The following MIPEP variants were observed in gnomAD, a reference collection of about 807,000 sequenced individuals.
MIPEP encodes the protein mitochondrial intermediate peptidase.
In MIPEP, 79 loss-of-function variants were observed where a neutral mutation model predicts 90.3. That is an observed-to-expected ratio of 0.87 (90% CI 0.73 to 1.05). The LOEUF (loss-of-function observed/expected upper bound fraction) is 1.05, where lower values mean the gene tolerates loss of function less well. Among genes scored for constraint, MIPEP ranks in the 50% least tolerant of loss-of-function variants. MIPEP has a pLI of 0.00. For synonymous variants in MIPEP, 334 were observed against 315.8 expected (o/e 1.06, Z -0.61); for missense variants, 940 against 905.6 (o/e 1.04, Z -0.49).
Position 23,886,469 on chromosome 13 carries a change from C to A in MIPEP, c.227G>T (p.Gly76Val). ...GGCTTTTTCTTGTGCAATATGAAAT[C>A]CTTCTGGGGCACTCAGCTCAGGAAC... ...FGVPELSAPE[G>V]FHIAQEKALR... The change falls in exon 2 of 19, where the codon GGA (glycine) becomes GTA (valine). Residue 76 changes from glycine to valine, a missense_variant. Physicochemically the swap from Gly to Val is moderately radical, Grantham distance 109. Transcript: ENST00000382172. 1 of 1,600,534 alleles carries A rather than the reference C, an allele frequency of 6.2e-7. No homozygotes were observed. The highest frequency in any genetic ancestry group is 8.5e-7 in the Non-Finnish European group (1 of 1,172,886).
intron 8 of MIPEP, among the ~76,000 whole-genome samples, chr13:23,863,467 T>C (rs1870398787): frequency 6.6e-6 from 1 of 152,184 alleles, no homozygotes; most frequent in Non-Finnish European, 1.5e-5. Context: ...GGCACAAAAT[T>C]ATTAAAAACA....
intron 1 of MIPEP, 79 bp downstream of exon 1, chr13:23,889,053 G>T (rs1278023044): frequency 1.6e-6 from 2 of 1,262,592 alleles, no homozygotes; most frequent in East Asian, 3.2e-5. Context: ...AAACAATCTC[G>T]CCCTGATTGT....
In MIPEP at chr13:23,819,301, T is replaced by C. The variant is rs115574149; in HGVS notation, c.1654-9377A>G. 3.3e-3 allele frequency among the ~76,000 whole-genome samples: 501 copies of C among 152,250 alleles called. 2 individuals are homozygous for C. The highest frequency in any genetic ancestry group is 0.012 in the African/African-American group (488 of 41,546). ...CATACAGTCCGGTGTTTCCTGAAAA[T>C]AGGAGATCGCAGTCTACCTGAGTCA... On this transcript the variant is annotated intron_variant, in intron 14 of 18. Transcript: ENST00000382172.
At chr13:23,852,103 A>T (rs1443928455) in intron 10 of MIPEP, among the ~76,000 whole-genome samples, 1 of 152,186 alleles carries the variant, frequency 6.6e-6, no homozygotes, top group African/African-American at 2.4e-5. Context: ...AATATGACAA[A>T]AAAGAGAGTA....
rs1870761884 is a variant in MIPEP at position 23,870,689 on chromosome 13, C to T, written c.604-494G>A. On this transcript the variant is annotated intron_variant, in intron 5 of 18. Transcript: ENST00000382172. ...GCGTGGTGGCACGTGCCTATAATCT[C>T]AGCTACTCAAGAGGCTGAGGCACGA... is the stretch of plus-strand genomic sequence containing the variant. 2.0e-5 allele frequency among the ~76,000 whole-genome samples: 3 copies of T among 152,048 alleles called. 1 individual carries two copies. In the South Asian group the frequency reaches 6.2e-4, roughly 31 times the overall value.
chr13:23,783,069 C>G (rs1338665691), intron 16 of MIPEP, among the ~76,000 whole-genome samples: 1 of 152,082 alleles, frequency 6.6e-6, no homozygotes, highest in Non-Finnish European at 1.5e-5. Context: ...CTATTCCAAT[C>G]AATAGAAAAA....
At chr13:23,822,150 G>A (rs952795927) in intron 14 of MIPEP, among the ~76,000 whole-genome samples, 1 of 152,188 alleles carries the variant, frequency 6.6e-6, no homozygotes, top group South Asian at 2.1e-4. Context: ...TTTAAAATAG[G>A]AAAATGGTAG....
At chr13:23,874,985 TAA>T (rs1871003799) in intron 4 of MIPEP, 76 bp from the exon 5 acceptor site, 1 of 1,295,640 alleles carries the variant, frequency 7.7e-7, no homozygotes, top group Non-Finnish European at 1.1e-6. Flanking sequence ...TTTTGTTAAA[TAA>T]ATAAGTCTTT....
chr13:23,851,619 G>C (rs1269505239), intron 10 of MIPEP, among the ~76,000 whole-genome samples: 1 of 152,088 alleles, frequency 6.6e-6, no homozygotes, highest in Non-Finnish European at 1.5e-5. Context: ...CAGAGATCCT[G>C]TCAGCATCAA....
chr13:23,875,028 ACACAC>A, intron 4 of MIPEP, 119 bp from the exon 5 acceptor site: 1 of 47,128 alleles, frequency 2.1e-5, no homozygotes, highest in East Asian at 4.3e-4. Flanking sequence ...TTTCTTCAAA[ACACAC>A]ACACACACAC....
At chr13:23,775,107 C>CTGTGTGTGTG (rs543197252) in intron 16 of MIPEP, among the ~76,000 whole-genome samples, 3 of 20,188 alleles carry the variant, frequency 1.5e-4, no homozygotes. Flanking sequence ...CCTATCAGTT[C>CTGTGTGTGTG]TCTGTGTGTG....
chr13:23,786,277 C>G (rs1342080086), intron 16 of MIPEP, among the ~76,000 whole-genome samples: 1 of 151,774 alleles, frequency 6.6e-6, no homozygotes, highest in Non-Finnish European at 1.5e-5. Flanking sequence ...TACTTTACAT[C>G]AAAACAAATT....
intron 16 of MIPEP, among the ~76,000 whole-genome samples, chr13:23,774,807 T>C (rs1420005624): frequency 6.9e-6 from 1 of 144,434 alleles, no homozygotes; most frequent in Non-Finnish European, 1.5e-5. Context: ...TTTTTTTTTT[T>C]TTTTGAGATG....
intron 18 of MIPEP, among the ~76,000 whole-genome samples, chr13:23,744,731 C>T (rs1343358551): frequency 6.6e-6 from 1 of 152,218 alleles, no homozygotes; most frequent in Non-Finnish European, 1.5e-5. Context: ...TTATGACTCC[C>T]TCCTAGCCAT....
intron 18 of MIPEP, among the ~76,000 whole-genome samples, chr13:23,753,524 C>G (rs749435072): frequency 9.2e-5 from 14 of 152,174 alleles, no homozygotes; most frequent in Non-Finnish European, 1.6e-4. Flanking sequence ...GAGGATCACT[C>G]TATGTAAAGT....
intron 16 of MIPEP, among the ~76,000 whole-genome samples, chr13:23,782,078 T>C (rs1280733594): frequency 6.6e-6 from 1 of 152,154 alleles, no homozygotes; most frequent in East Asian, 1.9e-4. Context: ...TATCCAGGAA[T>C]TGAACACAGC....
intron 12 of MIPEP, 123 bp downstream of exon 12, chr13:23,839,526 T>A (rs1869202498): frequency 1.9e-6 from 1 of 516,590 alleles, no homozygotes; most frequent in Admixed American, 3.9e-5. Context: ...AATGTATATA[T>A]TTGGTAACCA....
chr13:23,875,705 C>T (rs931260524), intron 4 of MIPEP, among the ~76,000 whole-genome samples: 3 of 152,140 alleles, frequency 2.0e-5, no homozygotes, highest in East Asian at 1.9e-4. Context: ...GTACGTTTAT[C>T]GTATTACACA....
At chr13:23,846,966 T>C (rs1187906887) in intron 10 of MIPEP, among the ~76,000 whole-genome samples, 3 of 152,050 alleles carry the variant, frequency 2.0e-5, no homozygotes, top group African/African-American at 7.2e-5. Flanking sequence ...TATGTTACAA[T>C]GGAGAAAACA....
Sources: gnomAD v4.1 joint callset for allele counts (sites outside exome capture counted in the v4.1 genomes callset) on GRCh38, gnomAD v4.1.1 for gene constraint, MANE v1.5 for transcripts, NCBI Gene and HGNC (gene_info 2026-07-23, HGNC 2026-07-21) for gene names.